RIC1: variants seen among roughly 807,000 people sequenced by gnomAD.
RIC1 encodes RIC1 partner of RAB6A GEF complex.
Under a neutral mutation model 169.0 loss-of-function variants are expected in RIC1, and 88 were observed. The ratio of observed to expected loss-of-function variants is 0.52; its 90% CI spans 0.44 to 0.62. The LOEUF is 0.62. Ranked by LOEUF, RIC1 falls within the 20% of genes least tolerant of loss-of-function variation. The pLI, the probability that RIC1 is intolerant of heterozygous loss-of-function variation, is 0.00. For synonymous variants in RIC1, 790 were observed against 601.5 expected, an observed-to-expected ratio of 1.31 and a Z score of -4.59; for missense variants, 1,877 against 1,725.5, an observed-to-expected ratio of 1.09 and a Z score of -1.56.
At chr9:5,738,909 G>A (rs146667969) in intron 8 of RIC1, among the ~76,000 whole-genome samples, 2 of 151,960 alleles carry the variant, frequency 1.3e-5, no homozygotes, top group African/African-American at 2.4e-5. Context: ...CAGTAGCTAC[G>A]CCCACCTTAC....
intron 2 of RIC1, among the ~76,000 whole-genome samples, chr9:5,668,742 T>A (rs540434357): frequency 2.0e-5 from 3 of 152,286 alleles, no homozygotes; most frequent in Admixed American, 1.3e-4. Flanking sequence ...TTAAAAAAAA[T>A]TTTCCCTTTT....
intron 2 of RIC1, among the ~76,000 whole-genome samples, chr9:5,664,409 CAA>C (rs113901097): frequency 1.4e-5 from 2 of 140,986 alleles, no homozygotes; most frequent in African/African-American, 2.6e-5. Context: ...GAGACTCTGT[CAA>C]AAAAAAAAAA....
intron 2 of RIC1, among the ~76,000 whole-genome samples, chr9:5,662,634 T>A (rs113614229): frequency 4.6e-5 from 7 of 152,208 alleles, no homozygotes; most frequent in Non-Finnish European, 1.0e-4. Context: ...ATTGATGCAT[T>A]TATAGTATTC....
chr9:5,687,424 G>T (rs1379742441), intron 2 of RIC1, among the ~76,000 whole-genome samples: 1 of 152,054 alleles, frequency 6.6e-6, no homozygotes, highest in Non-Finnish European at 1.5e-5. Context: ...TCTAGTTTAA[G>T]GTAGAAGCTT....
chr9:5,770,652 T>G (rs950189691), intron 23 of RIC1, among the ~76,000 whole-genome samples: 5 of 152,246 alleles, frequency 3.3e-5, no homozygotes, highest in African/African-American at 1.2e-4. Context: ...ATCATTTTTA[T>G]GTTTTTTATT....
chr9:5,683,609 A>T (rs970803153), intron 2 of RIC1, among the ~76,000 whole-genome samples: 1 of 152,154 alleles, frequency 6.6e-6, no homozygotes, highest in African/African-American at 2.4e-5. Context: ...CCACTTGAGG[A>T]GGCAGTCTGC....
intron 6 of RIC1, among the ~76,000 whole-genome samples, chr9:5,728,195 C>G (rs1268794376): frequency 6.6e-6 from 1 of 152,218 alleles, no homozygotes; most frequent in African/African-American, 2.4e-5. Flanking sequence ...GCTCCACCCA[C>G]TTGGAGCTTC....
At chr9:5,698,560 T>C (rs751882277) in intron 3 of RIC1, among the ~76,000 whole-genome samples, 3 of 152,222 alleles carry the variant, frequency 2.0e-5, no homozygotes, top group Non-Finnish European at 4.4e-5. Flanking sequence ...TCCTACTTTC[T>C]TGTGATATTT....
chr9:5,745,955 C>CTA lies in RIC1; in HGVS notation c.1122_1123dup (p.Trp375TyrfsTer3). ...GAGCTGGGGTGCAGAAGGCTATCACCTATGGGTAATCAGCGGATTTGGTTC... is the reference window on the plus strand; with the variant it reads ...GAGCTGGGGTGCAGAAGGCTATCACCTATATGGGTAATCAGCGGATTTGGTTC... On this transcript the variant is annotated frameshift_variant, in exon 11 of 26. Coordinates refer to ENST00000414202, the MANE Select transcript of RIC1 (RefSeq NM_020829.4). LOFTEE classifies it high-confidence loss of function. The CTA allele has an allele frequency of 6.2e-7, 1 of 1,613,568 alleles. No individual in the cohort carries two copies. The highest frequency in any genetic ancestry group is 8.5e-7 in the Non-Finnish European group (1 of 1,179,618).
In RIC1 at chr9:5,774,146, T is replaced by G. The variant is rs145856254; in HGVS notation, c.4172T>G (p.Val1391Gly). 101 of 1,613,722 alleles carry G rather than the reference T, an allele frequency of 6.3e-5. No homozygotes were observed. Among genetic ancestry groups the G allele is most frequent in the Admixed American group, 1.2e-4 (7 of 59,970 alleles). ...SSHGSIPQGE[V>G]GSSNMVSRKE... ...CATGGAAGCATCCCCCAGGGTGAAGTTGGAAGCAGCAATATGGTCAGCCGG... is the reference window on the plus strand; with the variant it reads ...CATGGAAGCATCCCCCAGGGTGAAGGTGGAAGCAGCAATATGGTCAGCCGG... Residue 1391 changes from valine to glycine, a missense_variant, in exon 26 of 26, where the codon GTT becomes GGT. By Grantham distance (109) the Val-to-Gly change is moderately radical. Transcript: ENST00000414202.
intron 2 of RIC1, among the ~76,000 whole-genome samples, chr9:5,657,459 C>T (rs531121162): frequency 6.6e-6 from 1 of 152,202 alleles, no homozygotes; most frequent in African/African-American, 2.4e-5. Flanking sequence ...CCCATTTAAT[C>T]TTTAGATAAG....
intron 3 of RIC1, among the ~76,000 whole-genome samples, chr9:5,695,074 G>C (rs1453676949): frequency 6.6e-6 from 1 of 152,008 alleles, no homozygotes; most frequent in Non-Finnish European, 1.5e-5. Flanking sequence ...AATTAAGCAG[G>C]GTAAGGGAAT....
At chr9:5,632,470 C>T (rs1449136471) in intron 1 of RIC1, among the ~76,000 whole-genome samples, 1 of 152,094 alleles carries the variant, frequency 6.6e-6, no homozygotes. Context: ...GAATTATTTC[C>T]TACCCCAAAT....
chr9:5,777,250 T>C (rs7033346), downstream of RIC1, among the ~76,000 whole-genome samples: 45,294 of 151,818 alleles, frequency 0.3, 7,514 homozygotes, highest in East Asian at 0.59. Flanking sequence ...TACATATAAA[T>C]TGCAACTATT....
Position 5,742,905 on chromosome 9 carries a change from G to A in RIC1, c.938G>A (p.Arg313Lys). The A allele has an allele frequency of 6.2e-7, 1 of 1,612,866 alleles. No homozygotes were observed. The highest frequency in any genetic ancestry group is 8.5e-7 in the Non-Finnish European group (1 of 1,179,328). ...WNKTGAVKLM[R>K]WSPDNSVVIV... ...AAAACAGGAGCTGTTAAATTGATGA[G>A]ATGGTCTCCTGACAATAGTGTTGTA... The change falls in exon 9 of 26, where the codon AGA becomes AAA. Residue 313 changes from arginine to lysine, a missense_variant. Arg to Lys is a conservative substitution (Grantham distance 26). This residue lies in a region of RIC1 where 1,104 missense variants were observed against 992.0 expected (regional missense o/e 1.11). Transcript: ENST00000414202.
At chr9:5,673,029 A>G in intron 2 of RIC1, among the ~76,000 whole-genome samples, 1 of 152,182 alleles carries the variant, frequency 6.6e-6, no homozygotes, top group East Asian at 1.9e-4. Flanking sequence ...ATGCCTTGGT[A>G]TTGGAGCTAC....
intron 2 of RIC1, among the ~76,000 whole-genome samples, chr9:5,675,352 G>C (rs1372532137): frequency 6.6e-6 from 1 of 152,132 alleles, no homozygotes; most frequent in East Asian, 1.9e-4. Context: ...TAAAAAGATT[G>C]CTTTATGAGG....
intron 7 of RIC1, 152 bp downstream of exon 7, chr9:5,732,631 T>C: frequency 2.1e-6 from 1 of 484,534 alleles, no homozygotes; most frequent in Non-Finnish European, 3.6e-6. Flanking sequence ...TGTAAAAGTA[T>C]TTTATTAGAT....
chr9:5,633,672 A>G (rs376072911), intron 1 of RIC1, among the ~76,000 whole-genome samples: 1 of 152,194 alleles, frequency 6.6e-6, no homozygotes, highest in African/African-American at 2.4e-5. Flanking sequence ...GATAATCACA[A>G]TCAGTCTAAT....
Sources: gnomAD v4.1 joint callset for allele counts (sites outside exome capture counted in the v4.1 genomes callset) on GRCh38, gnomAD v4.1.1 for gene constraint, gnomAD v4.1.1 regional missense constraint, MANE v1.5 for transcripts, NCBI Gene and HGNC (gene_info 2026-07-23, HGNC 2026-07-21) for gene names.